The following DENND4A variants were observed in gnomAD, a reference collection of about 807,000 sequenced individuals.
DENND4A encodes DENN domain containing 4A.
In DENND4A, 70 loss-of-function variants were observed where a neutral mutation model predicts 199.3. That is an observed-to-expected ratio of 0.35 (90% CI 0.29 to 0.43). The LOEUF is 0.43. Among genes scored for constraint, DENND4A ranks in the 20% least tolerant of loss-of-function variants. The pLI is 1.00. For missense variants in DENND4A, 1,723 were observed against 2,255.8 expected (o/e 0.76, Z 4.78); for synonymous variants, 686 against 766.9 (o/e 0.89, Z 1.74).
At chr15:65,740,921 C>T (rs2076244428) in intron 5 of DENND4A, among the ~76,000 whole-genome samples, 1 of 151,932 alleles carries the variant, frequency 6.6e-6, no homozygotes, top group African/African-American at 2.4e-5. Flanking sequence ...ACAATCATAC[C>T]ACTGTACTCC....
chr15:65,700,721 T>C (rs1252149677), intron 19 of DENND4A, 46 bp from the exon 20 acceptor site: 2 of 1,467,366 alleles, frequency 1.4e-6, no homozygotes, highest in South Asian at 1.4e-5. Context: ...AAGAGGTAAA[T>C]ACACATTAAT....
intron 23 of DENND4A, among the ~76,000 whole-genome samples, chr15:65,677,282 T>C (rs761380498): frequency 1.3e-5 from 2 of 152,212 alleles, no homozygotes; most frequent in African/African-American, 2.4e-5. Context: ...CAATCTCAGC[T>C]CACTGCAGCC....
intron 1 of DENND4A, among the ~76,000 whole-genome samples, chr15:65,766,011 G>T (rs974418500): frequency 6.6e-6 from 1 of 152,202 alleles, no homozygotes. Context: ...AACACTTTGG[G>T]AGGCCAAGGC....
intron 4 of DENND4A, among the ~76,000 whole-genome samples, chr15:65,742,432 T>C (rs1398943972): frequency 6.6e-6 from 1 of 151,442 alleles, no homozygotes; most frequent in African/African-American, 2.4e-5. Context: ...TACAGGCACG[T>C]GCCACCATGA....
chr15:65,760,825 G>C (rs1269519026), intron 2 of DENND4A, among the ~76,000 whole-genome samples: 1 of 151,978 alleles, frequency 6.6e-6, no homozygotes, highest in Non-Finnish European at 1.5e-5. Context: ...GTAGGCAGAG[G>C]TTGCAATGGG....
intron 1 of DENND4A, among the ~76,000 whole-genome samples, chr15:65,783,536 G>A (rs1331716955): frequency 1.3e-5 from 2 of 152,170 alleles, no homozygotes; most frequent in African/African-American, 4.8e-5. Flanking sequence ...TGAGCACACT[G>A]AGTAACCAGA....
At chr15:65,667,802 G>C in intron 28 of DENND4A, 99 bp from the exon 29 acceptor site, 1 of 1,485,828 alleles carries the variant, frequency 6.7e-7, no homozygotes, top group African/African-American at 1.4e-5. Flanking sequence ...TAATATAATT[G>C]TATCATGGGA....
chr15:65,742,455 T>TC (rs1388689594), intron 4 of DENND4A, among the ~76,000 whole-genome samples: 1 of 151,818 alleles, frequency 6.6e-6, no homozygotes, highest in East Asian at 1.9e-4. Context: ...GGCTGATTTT[T>TC]TTTTTTTTTT....
At chr15:65,740,280 CAAA>C (rs879312103) in intron 5 of DENND4A, among the ~76,000 whole-genome samples, 2 of 107,992 alleles carry the variant, frequency 1.9e-5, no homozygotes, top group African/African-American at 6.6e-5. Context: ...TTCCATCTCC[CAAA>C]AAAAAAAAAA....
In DENND4A at chr15:65,668,091, C is replaced by T. The variant is rs746530544; in HGVS notation, c.4820G>A (p.Arg1607Gln). 102 of 1,580,026 alleles carry T rather than the reference C, an allele frequency of 6.5e-5. No homozygotes were observed. The highest frequency in any genetic ancestry group is 3.5e-4 in the Admixed American group (17 of 47,970). The change falls in exon 28 of 33, where the codon CGA becomes CAA. Residue 1607 changes from arginine to glutamine, a missense_variant. Physicochemically the swap from Arg to Gln is conservative, Grantham distance 43 (BLOSUM62 1). Around this residue, in one of 6 missense-constraint regions of DENND4A, gnomAD observed 141 missense variants for 170.7 expected, o/e 0.83. Coordinates refer to ENST00000443035, the MANE Select transcript of DENND4A (RefSeq NM_001320835.1). ...TCTATTAGCAGGGATCTGAATACTT[C>T]GGGTGCAAAAATTTTCCTGCAGTTT... ...KSKLQENFCT[R>Q]SIQIPANRSK...
At chr15:65,766,234 G>A (rs1177335516) in intron 1 of DENND4A, among the ~76,000 whole-genome samples, 14 of 145,694 alleles carry the variant, frequency 9.6e-5, no homozygotes, top group African/African-American at 3.6e-4. Context: ...CTGGGCAACG[G>A]AGTGAGACTC....
At position 65,719,757 on chromosome 15, in the gene DENND4A, T is replaced by C. The variant is rs560431788; in HGVS notation, c.1589-1761A>G. Among the ~76,000 whole-genome samples the C allele has an allele frequency of 3.3e-5, 5 of 151,422 alleles. No individual in the cohort carries two copies. In the South Asian group the frequency reaches 6.3e-4, roughly 19 times the overall value. ...TTTTTTTTTTTTAATTAGCTGGGTG[T>C]GATAGCTTGTGTCTGTAGTCCCAGC... On this transcript the variant is annotated intron_variant, in intron 12 of 32. Coordinates refer to ENST00000443035, the MANE Select transcript of DENND4A (RefSeq NM_001320835.1).
chr15:65,760,212 C>T (rs2076816551), intron 2 of DENND4A, among the ~76,000 whole-genome samples: 1 of 152,142 alleles, frequency 6.6e-6, no homozygotes. Flanking sequence ...TAAACTAAAG[C>T]ATGGCCAGGC....
At chr15:65,694,010 AATATT>A (rs2077058576) in intron 22 of DENND4A, among the ~76,000 whole-genome samples, 2 of 152,154 alleles carry the variant, frequency 1.3e-5, no homozygotes, top group Admixed American at 6.5e-5. Flanking sequence ...ATAATATTAA[AATATT>A]ATATTATGGG....
chr15:65,714,183 G>T (rs576952767), intron 14 of DENND4A, among the ~76,000 whole-genome samples: 2 of 151,970 alleles, frequency 1.3e-5, no homozygotes, highest in African/African-American at 2.4e-5. Context: ...AGGCCGAGGC[G>T]GGCAGATCAC....
chr15:65,676,142 AT>A (rs750544585), intron 24 of DENND4A, among the ~76,000 whole-genome samples: 6,551 of 97,936 alleles, frequency 0.067, 187 homozygotes, highest in East Asian at 0.11. Context: ...ATAAGGAAAA[AT>A]ATATATATAT....
At chr15:65,743,388 T>C (rs966185852) in intron 4 of DENND4A, among the ~76,000 whole-genome samples, 3 of 152,186 alleles carry the variant, frequency 2.0e-5, no homozygotes, top group Non-Finnish European at 4.4e-5. Flanking sequence ...GCACAGACTG[T>C]TCCCTATATT....
chr15:65,757,291 C>T (rs979057782), intron 2 of DENND4A, among the ~76,000 whole-genome samples: 3 of 150,022 alleles, frequency 2.0e-5, no homozygotes, highest in Non-Finnish European at 4.4e-5. Context: ...CTATGTTGCC[C>T]AGGCTGGTCT....
Position 65,702,975 on chromosome 15 carries a change from T to G in DENND4A, c.2121A>C (p.Leu707Phe). The G allele has an allele frequency of 6.2e-7, 1 of 1,612,984 alleles. No homozygotes were observed. Among genetic ancestry groups the G allele is most frequent in the Non-Finnish European group, 8.5e-7 (1 of 1,179,478 alleles). Reference sequence around the variant, plus strand: ...GTAGAAATCCTTCAGGTCTTTCAAATAAATTGTTCCTAAGAACTGGAAATC... The same window carrying G: ...GTAGAAATCCTTCAGGTCTTTCAAAGAAATTGTTCCTAAGAACTGGAAATC... Reference protein sequence around the residue: ...YNGFPVLRNNLFERPEGFLQA... With the variant: ...YNGFPVLRNNFFERPEGFLQA... The change falls in exon 16 of 33, where the codon TTA becomes TTC. Residue 707 changes from leucine to phenylalanine, a missense_variant. Physicochemically the swap from Leu to Phe is conservative, Grantham distance 22. Transcript: ENST00000443035.
Sources: allele counts gnomAD v4.1 joint callset (sites outside exome capture counted in the v4.1 genomes callset), GRCh38; gene constraint gnomAD v4.1.1; regional missense constraint gnomAD v4.1.1; transcripts MANE v1.5; gene names NCBI Gene and HGNC (gene_info 2026-07-23, HGNC 2026-07-21).